The following LRP5 variants were observed in gnomAD, a reference collection of about 807,000 sequenced individuals.
LRP5 encodes LDL receptor related protein 5, also known as low-density lipoprotein receptor-related protein 5.
Under a neutral mutation model 154.1 loss-of-function variants are expected in LRP5, and 62 were observed. The ratio of observed to expected loss-of-function variants is 0.40; its 90% CI spans 0.33 to 0.50. LRP5 has a LOEUF of 0.50. Ranked by LOEUF, LRP5 falls within the 20% of genes least tolerant of loss-of-function variation. The pLI is 0.55. For synonymous variants in LRP5, 966 were observed against 1,011.5 expected, an observed-to-expected ratio of 0.96 and a Z score of 0.85; for missense variants, 1,915 against 2,336.7, an observed-to-expected ratio of 0.82 and a Z score of 3.72.
In LRP5 at chr11:68,332,430, C is replaced by T. The variant is rs538188964; in HGVS notation, c.92-15417C>T. 1.4e-4 allele frequency among the ~76,000 whole-genome samples: 22 copies of T among 152,372 alleles called. No homozygotes were observed. The East Asian group carries it at 4.2e-3, about 29-fold the overall frequency. ...GCCCTGCTCTGCACCGGGCCCTGCT[C>T]TGCACCAGGTTCCACTGGGTGGCAT... On this transcript the variant is annotated intron_variant, in intron 1 of 22. Transcript: ENST00000294304.
chr11:68,312,670 G>T lies in LRP5; in HGVS notation c.-45G>T, dbSNP rs1469198534. ...GAGGAGCCGCCGCCGCCGCGCCATG[G>T]AGCCCGAGTGAGCGCGGCGCGGGCC... On this transcript the variant is annotated 5_prime_UTR_variant, in exon 1 of 23. It introduces an in-frame stop codon into an upstream open reading frame of the 5' UTR. Transcript: ENST00000294304. 2.2e-6 allele frequency: 2 copies of T among 892,470 alleles called. No homozygotes were observed. Among genetic ancestry groups the T allele is most frequent in the African/African-American group, 1.8e-5 (1 of 54,478 alleles). The allele number at this position is 892,470 out of a possible 1,614,324, so 55.3% of individuals were successfully genotyped here. A position where few individuals can be genotyped will look rare whatever the true frequency, so the allele number is the denominator to read the frequency against.
Position 68,402,078 on chromosome 11 carries a change from T to C in LRP5, c.1585-1405T>C, listed in dbSNP as rs1431752331. Among the ~76,000 whole-genome samples the C allele has an allele frequency of 3.9e-5, 6 of 152,236 alleles. No individual in the cohort carries two copies. The East Asian group carries it at 1.2e-3, about 29-fold the overall frequency. ...ATGCATTCCATCTGCCTTACAGTTT[T>C]GCCACCTGCAAAACAGAGGACTTGT... On this transcript the variant is annotated intron_variant, in intron 7 of 22. Transcript: ENST00000294304.
chr11:68,324,914 G>T (rs530215684), intron 1 of LRP5, among the ~76,000 whole-genome samples: 1 of 152,224 alleles, frequency 6.6e-6, no homozygotes, highest in Admixed American at 6.5e-5. Flanking sequence ...GGTGCTAGGC[G>T]CTGGGCTCTG....
Position 68,312,729 on chromosome 11 carries a change from G to C in LRP5, c.15G>C (p.Pro5=), listed in dbSNP as rs1004096379. The change falls in exon 1 of 23, where the codon CCG becomes CCC. Residue 5 remains proline, a synonymous_variant. Transcript: ENST00000294304. ...CGCCGGACAACATGGAGGCAGCGCC[G>C]CCCGGGCCGCCGTGGCCGCTGCTGC... The part of the protein sequence containing the change: MEAA[P]PGPPWPLLLL... 7.6e-6 allele frequency: 8 copies of C among 1,050,942 alleles called. No individual in the cohort carries two copies. Among genetic ancestry groups the C allele is most frequent in the Non-Finnish European group, 9.2e-6 (8 of 872,940 alleles). The allele number at this position is 1,050,942 out of a possible 1,614,324, so 65.1% of individuals were successfully genotyped here.
intron 8 of LRP5, chr11:68,404,039 G>A (rs2098654173): frequency 2.2e-5 from 10 of 456,160 alleles, no homozygotes; most frequent in Non-Finnish European, 4.1e-5. Flanking sequence ...TGGGGAGCAG[G>A]ACGCAGAGCC....
At chr11:68,367,815 A>G (rs1220305925) in intron 5 of LRP5, among the ~76,000 whole-genome samples, 4 of 152,206 alleles carry the variant, frequency 2.6e-5, no homozygotes, top group South Asian at 4.1e-4. Context: ...TGTAATCCCA[A>G]CAATTTGGGA....
intron 5 of LRP5, among the ~76,000 whole-genome samples, chr11:68,373,589 G>A (rs535391471): frequency 2.1e-4 from 32 of 152,300 alleles, no homozygotes; most frequent in African/African-American, 6.5e-4. Context: ...TGGCGGCTGC[G>A]ATGCTGCTCT....
chr11:68,391,455 T>G (rs1311552379), intron 7 of LRP5, among the ~76,000 whole-genome samples: 4 of 152,208 alleles, frequency 2.6e-5, no homozygotes, highest in African/African-American at 9.6e-5. Flanking sequence ...ACCATCGGGG[T>G]CACCTTTGCT....
chr11:68,395,265 C>T (rs950241914), intron 7 of LRP5, among the ~76,000 whole-genome samples: 11 of 145,676 alleles, frequency 7.6e-5, no homozygotes, highest in African/African-American at 2.6e-4. Context: ...CCCGCCACTG[C>T]ACTCCAGCCT....
intron 5 of LRP5, among the ~76,000 whole-genome samples, chr11:68,376,373 G>A (rs2098637359): frequency 6.6e-6 from 1 of 152,026 alleles, no homozygotes; most frequent in Non-Finnish European, 1.5e-5. Flanking sequence ...AGTAGAGATG[G>A]GGTTTCACCG....
chr11:68,348,424 G>A (rs1439630866), intron 2 of LRP5, among the ~76,000 whole-genome samples, 181 bp downstream of exon 2: 3 of 130,990 alleles, frequency 2.3e-5, no homozygotes, highest in Non-Finnish European at 5.2e-5. Flanking sequence ...AAATGAACCC[G>A]TGGGGGTGTT....
chr11:68,313,560 G>C (rs1439424457), intron 1 of LRP5, among the ~76,000 whole-genome samples: 2 of 152,238 alleles, frequency 1.3e-5, no homozygotes, highest in Non-Finnish European at 2.9e-5. Context: ...TGTTTCCCAG[G>C]GGGTGGAGTT....
At chr11:68,389,590 TGACATTTACCGACACC>T (rs1491559899) in intron 6 of LRP5, among the ~76,000 whole-genome samples, 1 of 128,742 alleles carries the variant, frequency 7.8e-6, no homozygotes, top group African/African-American at 2.6e-5. Context: ...CTACCAACAC[TGACATTTACCGACACC>T]GACATTTACC....
chr11:68,357,611 T>A (rs767366431), intron 2 of LRP5, 39 bp from the exon 3 acceptor site: 16 of 1,588,642 alleles, frequency 1.0e-5, no homozygotes, highest in African/African-American at 2.7e-5. Flanking sequence ...AAAAAACAGA[T>A]CTGTGTTAGC....
In LRP5 at chr11:68,431,231, CTTTTTTTTTTTTT is replaced by C. The variant is rs34840282; in HGVS notation, c.3763+1544_3763+1556del. ...CAGCAGCACACACTGGCTGTGCACC[CTTTTTTTTTTTTT>C]TTTTTTTTTTTTGAGATGGAGTCTC... On this transcript the variant is annotated intron_variant, in intron 17 of 22. Transcript: ENST00000294304. Among the ~76,000 whole-genome samples, 10 of 92,966 alleles carry C rather than the reference CTTTTTTTTTTTTT, an allele frequency of 1.1e-4. No individual in the cohort carries two copies. In the Admixed American group the frequency reaches 1.1e-3, roughly 10 times the overall value. 61.0% of individuals were successfully genotyped at this position (92,966 alleles called of 152,430 possible). A position where few individuals can be genotyped will look rare whatever the true frequency, so the allele number is the denominator to read the frequency against.
At chr11:68,301,682 G>C in the LRP5 span, among the ~76,000 whole-genome samples, 1 of 144,964 alleles carries the variant, frequency 6.9e-6, no homozygotes, top group African/African-American at 2.5e-5. Context: ...GAGTGCAGTG[G>C]TGTGATCTCG....
chr11:68,432,764 G>A (rs555899226), intron 17 of LRP5, among the ~76,000 whole-genome samples: 2 of 152,316 alleles, frequency 1.3e-5, no homozygotes, highest in East Asian at 3.9e-4. Context: ...TCGAAGCCTA[G>A]GCCTCCTCTG....
chr11:68,306,232 T>C, the LRP5 span, among the ~76,000 whole-genome samples: 2 of 152,088 alleles, frequency 1.3e-5, no homozygotes, highest in African/African-American at 4.8e-5. Flanking sequence ...GCCTCCCAGG[T>C]GCAAGCCATT....
chr11:68,354,265 C>G (rs1295755142), intron 2 of LRP5, among the ~76,000 whole-genome samples: 1 of 152,250 alleles, frequency 6.6e-6, no homozygotes, highest in African/African-American at 2.4e-5. Context: ...TGAGACTCTG[C>G]AAGAGCACGT....
Sources: gnomAD v4.1 joint callset for allele counts (sites outside exome capture counted in the v4.1 genomes callset) on GRCh38, gnomAD v4.1.1 for gene constraint, MANE v1.5 for transcripts, NCBI Gene and HGNC (gene_info 2026-07-23, HGNC 2026-07-21) for gene names.